NHSL2: variants seen among roughly 807,000 people sequenced by gnomAD.
NHSL2 encodes NHS-like protein 2.
Under a neutral mutation model 53.4 loss-of-function variants are expected in NHSL2, and 27 were observed. That is an observed-to-expected ratio of 0.51 (90% CI 0.37 to 0.70). The LOEUF (loss-of-function observed/expected upper bound fraction) is 0.70, where lower values mean the gene tolerates loss of function less well. Among genes scored for constraint, NHSL2 ranks in the 30% least tolerant of loss-of-function variants. The pLI, the probability that NHSL2 is intolerant of heterozygous loss-of-function variation, is 0.00. For missense variants in NHSL2, 892 were observed against 980.1 expected, an observed-to-expected ratio of 0.91 and a Z score of 1.20; for synonymous variants, 408 against 404.1, an observed-to-expected ratio of 1.01 and a Z score of -0.12.
intron 1 of NHSL2, among the ~76,000 whole-genome samples, chrX:72,026,639 G>A (rs2042187333): frequency 8.9e-6 from 1 of 112,633 alleles, no homozygotes; most frequent in Non-Finnish European, 1.9e-5. Context: ...AAATATGGAG[G>A]TGAGGGCGAG....
intron 1 of NHSL2, among the ~76,000 whole-genome samples, chrX:71,990,848 T>C (rs867122962): frequency 1.8e-5 from 2 of 112,367 alleles, no homozygotes; most frequent in African/African-American, 6.5e-5. Context: ...TCTCTATTTC[T>C]ATTTCCAAGC....
intron 1 of NHSL2, among the ~76,000 whole-genome samples, chrX:71,913,080 G>T (rs2041612118): frequency 8.9e-6 from 1 of 111,818 alleles, no homozygotes; most frequent in Non-Finnish European, 1.9e-5. Flanking sequence ...GTTTTCAAGA[G>T]CAGGAAGAGT....
rs1231802591 is a variant in NHSL2 at position 72,144,892 on chromosome X, C to G, written c.*1318C>G. ...GACCCCTCCCTGCCCCCACCCCCCA[C>G]GAAGCTTATAGGCACTAACTATTCT... On this transcript the variant is annotated 3_prime_UTR_variant, in exon 8 of 8. Transcript: ENST00000633930. The G allele has an allele frequency of 7.8e-6, 1 of 128,205 alleles. No homozygotes were observed. Among genetic ancestry groups the G allele is most frequent in the African/African-American group, 3.2e-5 (1 of 30,800 alleles). The allele number at this position is 128,205 out of a possible 1,213,427, so 10.6% of individuals were successfully genotyped here.
intron 1 of NHSL2, chrX:72,127,556 C>T (rs926009268): frequency 9.0e-6 from 1 of 110,822 alleles, no homozygotes; most frequent in African/African-American, 3.3e-5. Context: ...TTAAGGCACC[C>T]GTCCTTCACA....
intron 1 of NHSL2, among the ~76,000 whole-genome samples, chrX:71,986,382 C>T (rs776825196): frequency 1.5e-3 from 163 of 111,601 alleles, no homozygotes; most frequent in African/African-American, 5.2e-3. Context: ...AAGGCAAAAC[C>T]CCATACTCAC....
intron 1 of NHSL2, among the ~76,000 whole-genome samples, chrX:72,054,376 G>C (rs971486445): frequency 9.0e-6 from 1 of 111,627 alleles, no homozygotes; most frequent in African/African-American, 3.3e-5. Flanking sequence ...GGCCACTTTA[G>C]CTGTTGTCTG....
intron 1 of NHSL2, among the ~76,000 whole-genome samples, chrX:72,062,934 A>G (rs765682717): frequency 2.1e-4 from 24 of 112,287 alleles, no homozygotes; most frequent in African/African-American, 6.1e-4. Flanking sequence ...GAGGACCCTC[A>G]GGAGGTAATT....
At chrX:72,095,210 G>A (rs2041934247) in intron 1 of NHSL2, among the ~76,000 whole-genome samples, 1 of 112,618 alleles carries the variant, frequency 8.9e-6, no homozygotes, top group African/African-American at 3.2e-5. Context: ...GAAGAAAGCT[G>A]TAAACAGGAA....
intron 1 of NHSL2, among the ~76,000 whole-genome samples, chrX:71,973,677 A>G (rs752213280): frequency 9.0e-6 from 1 of 111,297 alleles, no homozygotes; most frequent in African/African-American, 3.3e-5. Flanking sequence ...CTCTCCCAGT[A>G]TGGAGCTTGC....
At chrX:72,048,399 C>T (rs2042317735) in intron 1 of NHSL2, among the ~76,000 whole-genome samples, 1 of 110,546 alleles carries the variant, frequency 9.0e-6, no homozygotes, top group African/African-American at 3.3e-5. Context: ...CATGTTGTCA[C>T]GAAGGGGAAG....
At chrX:72,005,574 G>A (rs1162829379) in intron 1 of NHSL2, among the ~76,000 whole-genome samples, 6 of 112,048 alleles carry the variant, frequency 5.4e-5, no homozygotes, top group African/African-American at 1.6e-4. Context: ...ACAGGAGAGT[G>A]CAGCCCTGGT....
intron 1 of NHSL2, among the ~76,000 whole-genome samples, chrX:71,996,136 C>T (rs964972931): frequency 1.8e-5 from 2 of 113,087 alleles, no homozygotes; most frequent in Non-Finnish European, 3.7e-5. Context: ...GTGATTGTCT[C>T]TAAGGACAAG....
chrX:72,083,060 G>A (rs914431544), intron 1 of NHSL2, among the ~76,000 whole-genome samples: 5 of 112,313 alleles, frequency 4.5e-5, no homozygotes, highest in African/African-American at 1.6e-4. Flanking sequence ...TCCCCAGAGT[G>A]GGAAGATAAG....
At chrX:72,074,554 C>T (rs975271588) in intron 1 of NHSL2, among the ~76,000 whole-genome samples, 2 of 112,080 alleles carry the variant, frequency 1.8e-5, no homozygotes, top group African/African-American at 6.5e-5. Flanking sequence ...TGGGGCCAAT[C>T]GTGATATGCC....
intron 1 of NHSL2, among the ~76,000 whole-genome samples, chrX:72,018,604 C>T (rs1602311895): frequency 8.9e-6 from 1 of 112,737 alleles, no homozygotes; most frequent in Admixed American, 9.2e-5. Flanking sequence ...CGTGCGGAGG[C>T]GGCGAGCCTG....
chrX:72,064,343 G>A (rs1362979155), intron 1 of NHSL2, among the ~76,000 whole-genome samples: 1 of 112,237 alleles, frequency 8.9e-6, no homozygotes, highest in Admixed American at 9.4e-5. Flanking sequence ...TGCAGGTTAT[G>A]GCAGATGGGA....
chrX:72,142,394 C>T (rs372328462), intron 7 of NHSL2, 30 bp downstream of exon 7: 5 of 1,048,658 alleles, frequency 4.8e-6, no homozygotes, highest in East Asian at 3.4e-5. Context: ...ATTCTAATTG[C>T]AATTGCCTTC....
At chrX:71,939,598 C>T (rs999540223) in intron 1 of NHSL2, among the ~76,000 whole-genome samples, 6 of 111,710 alleles carry the variant, frequency 5.4e-5, no homozygotes, top group South Asian at 7.6e-4. Context: ...GGTGGTTAAG[C>T]GTAGTGGCTC....
chrX:71,948,447 T>C (rs1465631032), intron 1 of NHSL2, among the ~76,000 whole-genome samples: 1 of 112,117 alleles, frequency 8.9e-6, no homozygotes, highest in Non-Finnish European at 1.9e-5. Flanking sequence ...TAAGCTAGGC[T>C]TTTAGTTATC....
Sources: gnomAD v4.1 joint callset for allele counts (sites outside exome capture counted in the v4.1 genomes callset) on GRCh38, gnomAD v4.1.1 for gene constraint, MANE v1.5 for transcripts, NCBI Gene and HGNC (gene_info 2026-07-23, HGNC 2026-07-21) for gene names.